OR6B3: variants seen among roughly 807,000 people sequenced by gnomAD.
The protein encoded by OR6B3 is olfactory receptor family 6 subfamily B member 3.
For missense variants in OR6B3, 315 were observed against 427.4 expected (o/e 0.74, Z 2.32); for synonymous variants, 148 against 187.8 (o/e 0.79, Z 1.73).
rs200139570 is a variant in OR6B3 at position 240,045,929 on chromosome 2, G to A, written c.144C>T (p.Thr48=). ...TGTGGAGGGAGGTGCTGCTCCAGACGGTGAGGATGATGGCCAGGTTCTCCA... is the reference window on the plus strand; with the variant it reads ...TGTGGAGGGAGGTGCTGCTCCAGACAGTGAGGATGATGGCCAGGTTCTCCA... The change falls in exon 2 of 2, where the codon ACC becomes ACT. Residue 48 remains threonine (T), a synonymous_variant. Coordinates refer to ENST00000641019, the Ensembl canonical transcript of OR6B3. 202 of 1,527,932 alleles carry A rather than the reference G, an allele frequency of 1.3e-4. 1 individual carries two copies. The highest frequency in any genetic ancestry group is 1.5e-4 in the Non-Finnish European group (166 of 1,102,676). 94.6% of individuals were successfully genotyped at this position (1,527,932 alleles called of 1,614,324 possible).
At chr2:240,050,739 G>GA (rs10594725), upstream of OR6B3, among the ~76,000 whole-genome samples, 31 of 129,816 alleles carry the variant, frequency 2.4e-4, no homozygotes, top group Non-Finnish European at 4.1e-4. Context: ...AAAAAAAAAG[G>GA]AAAAAAAAAA....
chr2:240,045,926 G>C (rs1348641547), exon 2 of OR6B3: 1 of 1,529,032 alleles, frequency 6.5e-7, no homozygotes, highest in South Asian at 1.1e-5. Context: ...TGCTGCTCCA[G>C]ACGGTGAGGA....
At chr2:240,048,379 C>G (rs1248786861), upstream of OR6B3, among the ~76,000 whole-genome samples, 2 of 152,150 alleles carry the variant, frequency 1.3e-5, no homozygotes, top group African/African-American at 4.8e-5. Context: ...TCTGGGCTCC[C>G]ATCAACCCAC....
At chr2:240,044,989 G>GT, downstream of OR6B3, 1 of 1,319,266 alleles carries the variant, frequency 7.6e-7, no homozygotes, top group Non-Finnish European at 1.0e-6. Flanking sequence ...CTCAACCTCA[G>GT]TTTTTTTCCT....
chr2:240,046,499 G>C (rs894656775), intron 1 of OR6B3, among the ~76,000 whole-genome samples: 1 of 152,140 alleles, frequency 6.6e-6, no homozygotes, highest in Non-Finnish European at 1.5e-5. Flanking sequence ...TGAGTCTGAC[G>C]CATTCTTTCT....
downstream of OR6B3, among the ~76,000 whole-genome samples, chr2:240,044,653 C>A (rs931049657): frequency 2.4e-4 from 37 of 152,376 alleles, no homozygotes; most frequent in African/African-American, 8.7e-4. Flanking sequence ...GCAGAGGGGG[C>A]ATCCACCCAA....
At chr2:240,045,085 G>T in exon 2 of OR6B3, 1 of 1,586,678 alleles carries the variant, frequency 6.3e-7, no homozygotes. Context: ...CCTCAGAGAG[G>T]CTGGCTGTGT....
At chr2:240,045,776 C>T (rs370750532) in exon 2 of OR6B3, 16 of 1,442,098 alleles carry the variant, frequency 1.1e-5, no homozygotes, top group Admixed American at 1.7e-5. Context: ...AGTAGAGCTG[C>T]GTCATGCACC....
chr2:240,047,375 C>T (rs117108747), upstream of OR6B3, among the ~76,000 whole-genome samples: 12 of 152,272 alleles, frequency 7.9e-5, no homozygotes, highest in East Asian at 5.8e-4. Flanking sequence ...GGGGCAGGTC[C>T]GTCTGTAGAT....
At chr2:240,044,808 G>A (rs1698156714), downstream of OR6B3, among the ~76,000 whole-genome samples, 2 of 152,108 alleles carry the variant, frequency 1.3e-5, no homozygotes, top group East Asian at 3.8e-4. Context: ...AATTTATTGG[G>A]GACTTTAAAA....
chr2:240,048,846 G>C (rs552438198), upstream of OR6B3, among the ~76,000 whole-genome samples: 1 of 152,184 alleles, frequency 6.6e-6, no homozygotes. Context: ...TACAACTAGA[G>C]GGCTACCCTC....
exon 2 of OR6B3, chr2:240,045,256 G>C (rs1216057358): frequency 6.2e-7 from 1 of 1,614,196 alleles, no homozygotes; most frequent in East Asian, 2.2e-5. Flanking sequence ...ACAGAGATGA[G>C]CTTGTTGGAG....
At chr2:240,050,158 T>C (rs1387039666), upstream of OR6B3, among the ~76,000 whole-genome samples, 1 of 151,464 alleles carries the variant, frequency 6.6e-6, no homozygotes, top group African/African-American at 2.4e-5. Context: ...GCCCAAGTCA[T>C]AGAAAAAAAA....
At chr2:240,045,802 G>A (rs535624583) in exon 2 of OR6B3, 165 of 1,567,228 alleles carry the variant, frequency 1.1e-4, no homozygotes, top group Admixed American at 7.3e-4. Flanking sequence ...AAAGAGATGC[G>A]TTTCTGCTGG....
upstream of OR6B3, among the ~76,000 whole-genome samples, chr2:240,049,342 C>A (rs1245726641): frequency 1.3e-5 from 2 of 152,162 alleles, no homozygotes; most frequent in Non-Finnish European, 2.9e-5. Flanking sequence ...TCATCAAAAA[C>A]TTGAGTCCAG....
At chr2:240,051,535 AATTC>A (rs1336161936), upstream of OR6B3, among the ~76,000 whole-genome samples, 1 of 152,224 alleles carries the variant, frequency 6.6e-6, no homozygotes, top group African/African-American at 2.4e-5. Flanking sequence ...GGAAAGTCCC[AATTC>A]ATTTTACAAA....
upstream of OR6B3, among the ~76,000 whole-genome samples, chr2:240,048,971 C>A (rs1428756443): frequency 6.6e-6 from 1 of 152,172 alleles, no homozygotes; most frequent in Admixed American, 6.5e-5. Context: ...ACCAGGGTGC[C>A]CAGAGAGCTC....
At position 240,045,932 on chromosome 2, in the gene OR6B3, G is replaced by A. The variant is rs142409156; in HGVS notation, c.141C>T (p.Leu47=). Residue 47 remains leucine (L), a synonymous_variant, in exon 2 of 2, where the codon CTC becomes CTT. Transcript: ENST00000641019. ...GGAGGGAGGTGCTGCTCCAGACGGTGAGGATGATGGCCAGGTTCTCCACCA... is the reference window on the plus strand; with the variant it reads ...GGAGGGAGGTGCTGCTCCAGACGGTAAGGATGATGGCCAGGTTCTCCACCA... 103 of 1,517,952 alleles carry A rather than the reference G, an allele frequency of 6.8e-5. 1 individual carries two copies. The African/African-American group carries it at 1.3e-3, about 20-fold the overall frequency. The allele number at this position is 1,517,952 out of a possible 1,614,324, so 94.0% of individuals were successfully genotyped here. A position where few individuals can be genotyped will look rare whatever the true frequency, so the allele number is the denominator to read the frequency against.
At chr2:240,045,901 G>A (rs1345779241) in exon 2 of OR6B3, 3 of 1,584,690 alleles carry the variant, frequency 1.9e-6, no homozygotes, top group Non-Finnish European at 2.6e-6. Context: ...TAGTACATGG[G>A]CCTGTGGAGG....
Sources: gnomAD v4.1 joint callset for allele counts (sites outside exome capture counted in the v4.1 genomes callset) on GRCh38, gnomAD v4.1.1 for gene constraint, MANE v1.5 for transcripts, NCBI Gene and HGNC (gene_info 2026-07-23, HGNC 2026-07-21) for gene names.